Variants in PRLR observed in about 807,000 individuals in gnomAD.
PRLR encodes hPRL receptor.
Under a neutral mutation model 40.2 loss-of-function variants are expected in PRLR, and 13 were observed. The observed-to-expected ratio is 0.32, with a 90% CI of 0.21 to 0.51. The LOEUF is 0.51. PRLR is among the 20% of genes least tolerant of loss of function. The pLI, the probability that PRLR is intolerant of heterozygous loss-of-function variation, is 0.97. For missense variants in PRLR, 656 were observed against 747.3 expected (o/e 0.88, Z 1.42); for synonymous variants, 269 against 278.7 (o/e 0.97, Z 0.35).
At chr5:35,128,447 A>G (rs1482794668) in intron 1 of PRLR, among the ~76,000 whole-genome samples, 3 of 151,814 alleles carry the variant, frequency 2.0e-5, no homozygotes, top group African/African-American at 4.8e-5. Flanking sequence ...TGCGAATACT[A>G]TGTAAATAGC....
chr5:35,074,738 A>G (rs976651313), intron 5 of PRLR, among the ~76,000 whole-genome samples: 12 of 152,156 alleles, frequency 7.9e-5, no homozygotes, highest in African/African-American at 2.9e-4. Flanking sequence ...GAAATGGTGG[A>G]TATGTGTTTT....
chr5:35,072,876 A>T, intron 5 of PRLR, 132 bp from the exon 6 acceptor site: 1 of 1,031,716 alleles, frequency 9.7e-7, no homozygotes, highest in Non-Finnish European at 1.4e-6. Flanking sequence ...CCCCCCAAAT[A>T]CCCGGGCCTT....
chr5:35,080,129 G>A (rs990649006), intron 5 of PRLR, among the ~76,000 whole-genome samples: 7 of 152,098 alleles, frequency 4.6e-5, no homozygotes, highest in African/African-American at 1.7e-4. Context: ...ATAGGCATGG[G>A]CAAGGACTTC....
chr5:35,191,399 C>T (rs1292379126), intron 1 of PRLR, among the ~76,000 whole-genome samples: 1 of 151,996 alleles, frequency 6.6e-6, no homozygotes, highest in Non-Finnish European at 1.5e-5. Flanking sequence ...AAACCTCTCT[C>T]CCCAGCCTGC....
At chr5:35,082,403 A>G (rs2112447711) in intron 5 of PRLR, among the ~76,000 whole-genome samples, 1 of 151,902 alleles carries the variant, frequency 6.6e-6, no homozygotes, top group South Asian at 2.1e-4. Context: ...TACTTTCCCA[A>G]CCTCAGCACT....
At chr5:35,184,316 C>T (rs1280964135) in intron 1 of PRLR, among the ~76,000 whole-genome samples, 1 of 152,098 alleles carries the variant, frequency 6.6e-6, no homozygotes. Flanking sequence ...GAGTTTGAGA[C>T]CAGCCTGGGC....
intron 1 of PRLR, chr5:35,195,596 G>C (rs528221834): frequency 2.6e-5 from 4 of 151,810 alleles, no homozygotes; most frequent in South Asian, 4.2e-4. Context: ...CTTCAGGCTG[G>C]AGCCTTCCTC....
intron 1 of PRLR, among the ~76,000 whole-genome samples, chr5:35,218,215 C>G (rs1202075060): frequency 6.6e-6 from 1 of 152,014 alleles, no homozygotes. Flanking sequence ...TGGAAGTCAA[C>G]CGTAAGAAAT....
intron 2 of PRLR, among the ~76,000 whole-genome samples, chr5:35,101,924 T>A (rs910949369): frequency 1.3e-5 from 2 of 151,510 alleles, no homozygotes; most frequent in African/African-American, 4.8e-5. Flanking sequence ...GCCTCCCAGG[T>A]TCAAATGATT....
chr5:35,208,903 G>T (rs1405071619), intron 1 of PRLR, among the ~76,000 whole-genome samples: 1 of 151,946 alleles, frequency 6.6e-6, no homozygotes, highest in Non-Finnish European at 1.5e-5. Flanking sequence ...AGTAGTCAAA[G>T]AAATGAAAAT....
intron 1 of PRLR, among the ~76,000 whole-genome samples, chr5:35,219,193 G>A (rs767218425): frequency 2.6e-5 from 4 of 152,170 alleles, no homozygotes; most frequent in Non-Finnish European, 2.9e-5. Context: ...GGTACCTTGG[G>A]GTTTTTGCAG....
chr5:35,185,431 A>T (rs564150379), intron 1 of PRLR, among the ~76,000 whole-genome samples: 2 of 136,464 alleles, frequency 1.5e-5, no homozygotes, highest in Admixed American at 1.4e-4. Flanking sequence ...TAAGTTTCCT[A>T]AAAAAAAAAA....
intron 2 of PRLR, among the ~76,000 whole-genome samples, chr5:35,101,870 C>G (rs967433405): frequency 6.6e-6 from 1 of 150,462 alleles, no homozygotes; most frequent in African/African-American, 2.4e-5. Context: ...CTCTGTCACC[C>G]AGGCTGGAGT....
chr5:35,090,791 C>CTTTTTTTTT (rs554800498), intron 2 of PRLR, among the ~76,000 whole-genome samples: 1 of 59,154 alleles, frequency 1.7e-5, no homozygotes, highest in Non-Finnish European at 3.8e-5. Context: ...TCAATTAGCT[C>CTTTTTTTTT]TTTTTTTTTT....
At chr5:35,219,649 C>T (rs909938300) in intron 1 of PRLR, among the ~76,000 whole-genome samples, 1 of 152,090 alleles carries the variant, frequency 6.6e-6, no homozygotes, top group African/African-American at 2.4e-5. Context: ...CGAATGTGAC[C>T]TTTCCAGCAC....
intron 1 of PRLR, among the ~76,000 whole-genome samples, chr5:35,137,337 A>G (rs1561327887): frequency 6.6e-6 from 1 of 151,782 alleles, no homozygotes; most frequent in Non-Finnish European, 1.5e-5. Flanking sequence ...TAAGCAGCAT[A>G]ACTTTCATTA....
intron 1 of PRLR, among the ~76,000 whole-genome samples, chr5:35,154,237 G>C (rs139208768): frequency 1.2e-3 from 182 of 152,232 alleles, no homozygotes; most frequent in African/African-American, 4.0e-3. Context: ...CTGACTTCTT[G>C]TTTTATATTT....
At chr5:35,146,735 G>T (rs1774190960) in intron 1 of PRLR, among the ~76,000 whole-genome samples, 3 of 152,164 alleles carry the variant, frequency 2.0e-5, no homozygotes. Context: ...GTACTTTTTG[G>T]AGACAAATGC....
intron 1 of PRLR, among the ~76,000 whole-genome samples, chr5:35,119,077 G>A (rs529115721): frequency 4.2e-4 from 64 of 152,204 alleles, no homozygotes; most frequent in Middle Eastern, 6.8e-3. Context: ...TTATAGGTGT[G>A]AACCACCATG....
Sources: allele counts gnomAD v4.1 joint callset (sites outside exome capture counted in the v4.1 genomes callset), GRCh38; gene constraint gnomAD v4.1.1; transcripts MANE v1.5; gene names NCBI Gene and HGNC (gene_info 2026-07-23, HGNC 2026-07-21).